DTD1: variants seen among roughly 807,000 people sequenced by gnomAD.
The protein encoded by DTD1 is D-aminoacyl-tRNA deacylase 1, also known as D-tyrosyl-tRNA deacylase 1 homolog.
In DTD1, 13 loss-of-function variants were observed where a neutral mutation model predicts 25.6. That is an observed-to-expected ratio of 0.51 (90% CI 0.33 to 0.81). The LOEUF (loss-of-function observed/expected upper bound fraction) is 0.81, where lower values mean the gene tolerates loss of function less well. Ranked by LOEUF, DTD1 falls within the 30% of genes least tolerant of loss-of-function variation. The probability of loss-of-function intolerance (pLI) is 0.02; values close to 1 mark genes in which losing one functional copy is unlikely to be tolerated. For synonymous variants in DTD1, 110 were observed against 103.6 expected, an observed-to-expected ratio of 1.06 and a Z score of -0.37; for missense variants, 193 against 266.4, an observed-to-expected ratio of 0.72 and a Z score of 1.92.
intron 4 of DTD1, among the ~76,000 whole-genome samples, chr20:18,710,724 T>C (rs2061155226): frequency 6.6e-6 from 1 of 152,214 alleles, no homozygotes; most frequent in Non-Finnish European, 1.5e-5. Context: ...CAACAGCCCT[T>C]AAATGCAGGT....
At chr20:18,624,708 A>T (rs1294054125) in intron 3 of DTD1, among the ~76,000 whole-genome samples, 3 of 152,206 alleles carry the variant, frequency 2.0e-5, no homozygotes, top group Non-Finnish European at 4.4e-5. Context: ...TCCCAGGCAG[A>T]GTGATGTCAA....
intron 4 of DTD1, among the ~76,000 whole-genome samples, chr20:18,662,427 G>T (rs142538933): frequency 3.4e-4 from 51 of 152,026 alleles, no homozygotes; most frequent in Admixed American, 8.5e-4. Flanking sequence ...AGCTGGGGGT[G>T]GGGGGGAGAG....
At chr20:18,593,710 T>C in intron 1 of DTD1, 21 bp from the exon 2 acceptor site, 1 of 1,600,158 alleles carries the variant, frequency 6.2e-7, no homozygotes, top group Middle Eastern at 1.7e-4. Flanking sequence ...AGTTCTTCTC[T>C]CCCTTTTGGT....
At chr20:18,693,179 C>T (rs573798466) in intron 4 of DTD1, among the ~76,000 whole-genome samples, 1 of 152,208 alleles carries the variant, frequency 6.6e-6, no homozygotes. Context: ...AGGCGTAAGC[C>T]ACTGCACCCG....
chr20:18,588,953 T>C, intron 1 of DTD1: 7 of 872,752 alleles, frequency 8.0e-6, no homozygotes, highest in Non-Finnish European at 9.6e-6. Flanking sequence ...TTTCTGTCTT[T>C]ATTGGCACAA....
At chr20:18,612,269 C>T (rs1329731967) in intron 3 of DTD1, among the ~76,000 whole-genome samples, 4 of 151,798 alleles carry the variant, frequency 2.6e-5, no homozygotes, top group Non-Finnish European at 4.4e-5. Flanking sequence ...CTCCTGACCT[C>T]GTGATCCGCC....
chr20:18,688,860 T>C (rs2061029014), intron 4 of DTD1, among the ~76,000 whole-genome samples: 2 of 152,094 alleles, frequency 1.3e-5, no homozygotes, highest in South Asian at 4.2e-4. Context: ...GTCCTTGCTC[T>C]GATCCTCATT....
intron 5 of DTD1, among the ~76,000 whole-genome samples, chr20:18,757,531 A>C (rs1372832146): frequency 2.0e-5 from 3 of 152,184 alleles, no homozygotes; most frequent in African/African-American, 7.2e-5. Context: ...TGAGATAATC[A>C]TGTGGTTTTT....
At chr20:18,667,100 G>A (rs2060934309) in intron 4 of DTD1, among the ~76,000 whole-genome samples, 1 of 152,164 alleles carries the variant, frequency 6.6e-6, no homozygotes. Context: ...AAGTGGATGT[G>A]GAAACCAAGG....
At chr20:18,718,195 T>C (rs112589560) in intron 4 of DTD1, among the ~76,000 whole-genome samples, 3 of 152,388 alleles carry the variant, frequency 2.0e-5, no homozygotes, top group African/African-American at 7.2e-5. Flanking sequence ...AATATTACTT[T>C]ATTAAAGATA....
Position 18,599,667 on chromosome 20 carries a change from A to G in DTD1, c.370+3426A>G, listed in dbSNP as rs183623869. 3.3e-3 allele frequency among the ~76,000 whole-genome samples: 510 copies of G among 152,308 alleles called. 2 individuals carry two copies. Among genetic ancestry groups the G allele is most frequent in the African/African-American group, 0.012 (479 of 41,576 alleles). ...TGAACGAGAGTTCCTGTGGCTCCCC[A>G]TTCTTGCTAATATTTGGTGTTGTAA... On this transcript the variant is annotated intron_variant, in intron 3 of 5. Coordinates refer to ENST00000377452, the MANE Select transcript of DTD1 (RefSeq NM_080820.6).
At position 18,668,336 on chromosome 20, in the gene DTD1, T is replaced by G. The variant is rs545723063; in HGVS notation, c.477+40103T>G. ...TTTTGAATTTTCTTGAGTTTCTGTTTATGGGATGTCAGTGTGTTACACACA... is the reference window on the plus strand; with the variant it reads ...TTTTGAATTTTCTTGAGTTTCTGTTGATGGGATGTCAGTGTGTTACACACA... On this transcript the variant is annotated intron_variant, in intron 4 of 5. Coordinates refer to ENST00000377452, the MANE Select transcript of DTD1 (RefSeq NM_080820.6). Among the ~76,000 whole-genome samples, 3 of 152,340 alleles carry G rather than the reference T, an allele frequency of 2.0e-5. No homozygotes were observed. In the South Asian group the frequency reaches 6.2e-4, roughly 32 times the overall value.
At chr20:18,666,620 G>A (rs62216976) in intron 4 of DTD1, among the ~76,000 whole-genome samples, 1 of 152,128 alleles carries the variant, frequency 6.6e-6, no homozygotes, top group Non-Finnish European at 1.5e-5. Context: ...CTGTAAGAAA[G>A]ATTTGTCTCT....
intron 4 of DTD1, among the ~76,000 whole-genome samples, chr20:18,697,981 A>G (rs2061085936): frequency 6.6e-6 from 1 of 152,176 alleles, no homozygotes; most frequent in Admixed American, 6.5e-5. Context: ...ACTCTTGGAC[A>G]TCTAGATTAA....
chr20:18,667,884 G>A (rs749086936), intron 4 of DTD1, among the ~76,000 whole-genome samples: 2 of 152,120 alleles, frequency 1.3e-5, no homozygotes, highest in African/African-American at 2.4e-5. Flanking sequence ...GAAGGCCCTC[G>A]TCAGATGCAT....
chr20:18,716,863 T>C (rs2061183020), intron 4 of DTD1, among the ~76,000 whole-genome samples: 1 of 152,232 alleles, frequency 6.6e-6, no homozygotes, highest in South Asian at 2.1e-4. Context: ...CATGTTTTCT[T>C]GCACAGCTGC....
chr20:18,684,153 GT>G (rs2061007501), intron 4 of DTD1, among the ~76,000 whole-genome samples: 2 of 152,148 alleles, frequency 1.3e-5, no homozygotes, highest in African/African-American at 4.8e-5. Context: ...ATCTGGTCCA[GT>G]TCCTGTCTGG....
chr20:18,631,995 A>T, intron 4 of DTD1: 1 of 857,886 alleles, frequency 1.2e-6, no homozygotes, highest in African/African-American at 1.8e-5. Context: ...GGAGTGCAGT[A>T]TCATATTGTG....
chr20:18,742,382 C>T (rs1031426308), intron 4 of DTD1, among the ~76,000 whole-genome samples: 2 of 152,176 alleles, frequency 1.3e-5, no homozygotes, highest in African/African-American at 4.8e-5. Context: ...CCTCAACCCC[C>T]AGGCCAGGGA....
Sources: allele counts gnomAD v4.1 joint callset (sites outside exome capture counted in the v4.1 genomes callset), GRCh38; gene constraint gnomAD v4.1.1; transcripts MANE v1.5; gene names NCBI Gene and HGNC (gene_info 2026-07-23, HGNC 2026-07-21).